Variants in PARP15 observed in about 807,000 individuals in gnomAD.
The protein encoded by PARP15 is protein mono-ADP-ribosyltransferase PARP15.
PARP15 carries 50 observed loss-of-function variants against 62.1 expected under a neutral mutation model. The observed-to-expected ratio is 0.81, with a 90% CI of 0.64 to 1.02. The LOEUF is 1.02. Ranked by LOEUF, PARP15 falls within the 50% of genes least tolerant of loss-of-function variation. PARP15 has a pLI of 0.00. For missense variants in PARP15, 820 were observed against 826.5 expected (o/e 0.99, Z 0.10); for synonymous variants, 309 against 293.1 (o/e 1.05, Z -0.55).
chr3:122,577,712 G>T lies in PARP15; in HGVS notation c.45G>T (p.Gly15=), dbSNP rs2080705338. The T allele has an allele frequency of 1.3e-6, 2 of 1,551,688 alleles. No individual in the cohort carries two copies. The highest frequency in any genetic ancestry group is 4.9e-5 in the East Asian group (2 of 40,918). Residue 15 remains glycine (G), a synonymous_variant, in exon 1 of 12, where the codon GGG becomes GGT. Coordinates refer to ENST00000464300, the MANE Select transcript of PARP15 (RefSeq NM_001113523.3). The part of the protein sequence containing the change: ...GPLPAAALSP[G]APTPRELMHG... ...TTCCTGCCGCTGCTCTGAGTCCAGG[G>T]GCTCCGACCCCCAGAGAACTTATGC...
At chr3:122,617,917 A>C (rs1936094175) in intron 6 of PARP15, among the ~76,000 whole-genome samples, 1 of 152,040 alleles carries the variant, frequency 6.6e-6, no homozygotes, top group South Asian at 2.1e-4. Context: ...TTTTTAGTAG[A>C]GATGGGGTTT....
chr3:122,615,769 C>G lies in PARP15; in HGVS notation c.772-10C>G, dbSNP rs759516165. 2.5e-6 allele frequency: 4 copies of G among 1,610,838 alleles called. No individual in the cohort carries two copies. The highest frequency in any genetic ancestry group is 3.4e-6 in the Non-Finnish European group (4 of 1,177,080). ...ATATTGTTGTAGTCAGTAACTGTTTCTATTTCCAGGCATTTTTAGATGAAT... is the reference window on the plus strand; with the variant it reads ...ATATTGTTGTAGTCAGTAACTGTTTGTATTTCCAGGCATTTTTAGATGAAT... On this transcript the variant is annotated splice_polypyrimidine_tract_variant and intron_variant, in intron 4 of 11. Coordinates refer to ENST00000464300, the MANE Select transcript of PARP15 (RefSeq NM_001113523.3).
intron 10 of PARP15, among the ~76,000 whole-genome samples, chr3:122,633,329 C>A (rs540491367): frequency 6.6e-6 from 1 of 152,052 alleles, no homozygotes; most frequent in African/African-American, 2.4e-5. Context: ...GAAAGGGGAG[C>A]CAGGAGATAG....
At chr3:122,627,580 G>T (rs1030376887) in intron 9 of PARP15, among the ~76,000 whole-genome samples, 2 of 152,126 alleles carry the variant, frequency 1.3e-5, no homozygotes, top group Non-Finnish European at 2.9e-5. Context: ...CTCTGATTTC[G>T]TTTTCCCCTA....
intron 3 of PARP15, 62 bp from the exon 4 acceptor site, chr3:122,612,979 A>G (rs1201521886): frequency 4.2e-6 from 6 of 1,414,204 alleles, no homozygotes; most frequent in East Asian, 5.0e-5. Flanking sequence ...TGGGACCACA[A>G]CTCTTTCTGT....
At chr3:122,591,458 G>A (rs1305230842) in intron 1 of PARP15, among the ~76,000 whole-genome samples, 1 of 152,066 alleles carries the variant, frequency 6.6e-6, no homozygotes, top group Non-Finnish European at 1.5e-5. Context: ...CATTAAAGTC[G>A]TCACTTTTCT....
In PARP15 at chr3:122,577,713, G is replaced by C; in HGVS notation, c.46G>C (p.Ala16Pro). ...TCCTGCCGCTGCTCTGAGTCCAGGG[G>C]CTCCGACCCCCAGAGAACTTATGCA... The part of the protein sequence containing the change: ...PLPAAALSPG[A>P]PTPRELMHGV... Residue 16 changes from alanine to proline, a missense_variant, in exon 1 of 12, where the codon GCT (alanine) becomes CCT (proline). Physicochemically the swap from Ala to Pro is conservative, Grantham distance 27. Transcript: ENST00000464300. The C allele has an allele frequency of 6.4e-7, 1 of 1,551,692 alleles. No individual in the cohort carries two copies. The highest frequency in any genetic ancestry group is 8.7e-7 in the Non-Finnish European group (1 of 1,146,974).
chr3:122,626,791 G>C (rs781751908), intron 8 of PARP15, 36 bp from the exon 9 acceptor site: 13 of 1,580,544 alleles, frequency 8.2e-6, no homozygotes, highest in Admixed American at 1.8e-5. Context: ...TAGCAACATC[G>C]GGGGAAACTT....
intron 8 of PARP15, 131 bp from the exon 9 acceptor site, chr3:122,626,696 C>T: frequency 1.4e-6 from 1 of 730,272 alleles, no homozygotes; most frequent in Non-Finnish European, 2.3e-6. Context: ...CACCAACTAG[C>T]TGTGAGTGTC....
In PARP15 at chr3:122,577,818, C is replaced by A; in HGVS notation, c.151C>A (p.Arg51=). The change falls in exon 1 of 12, where the codon CGG becomes AGG. Residue 51 remains arginine (R), a synonymous_variant. Coordinates refer to ENST00000464300, the MANE Select transcript of PARP15 (RefSeq NM_001113523.3). ...GCTGCCGGCCGGGAACCGTGGGGCG[C>A]GGAAGGCCTCCCGGCGCTCTTCCTC... The part of the protein sequence containing the change: ...SVLPAGNRGA[R]KASRRSSSRS... The A allele has an allele frequency of 6.5e-7, 1 of 1,550,292 alleles. No individual in the cohort carries two copies. Among genetic ancestry groups the A allele is most frequent in the Non-Finnish European group, 8.7e-7 (1 of 1,146,332 alleles).
In PARP15 at chr3:122,599,905, C is replaced by G. The variant is rs529984523; in HGVS notation, c.187-6031C>G. On this transcript the variant is annotated intron_variant, in intron 1 of 11. Transcript: ENST00000464300. ...CCTCATTCAGAAAGTATCTATCTCACAGGCTCATTGTTAAGATTAAATTAA... is the reference window on the plus strand; with the variant it reads ...CCTCATTCAGAAAGTATCTATCTCAGAGGCTCATTGTTAAGATTAAATTAA... Among the ~76,000 whole-genome samples the G allele has an allele frequency of 3.5e-4, 54 of 152,302 alleles. 1 individual carries two copies. Among genetic ancestry groups the G allele is most frequent in the African/African-American group, 1.3e-3 (54 of 41,546 alleles).
intron 1 of PARP15, among the ~76,000 whole-genome samples, chr3:122,587,406 C>T (rs1194082359): frequency 1.3e-5 from 2 of 152,242 alleles, no homozygotes; most frequent in African/African-American, 4.8e-5. Flanking sequence ...ATTTTGCATT[C>T]CCATCAACAA....
At chr3:122,628,804 A>G (rs1189971803) in intron 9 of PARP15, among the ~76,000 whole-genome samples, 2 of 152,236 alleles carry the variant, frequency 1.3e-5, no homozygotes, top group Admixed American at 1.3e-4. Context: ...CTTTGTTGTT[A>G]GAGAAAAGGA....
Position 122,617,042 on chromosome 3 carries a change from G to C in PARP15, c.878G>C (p.Cys293Ser). ...QGVVGTVSKP[C>S]FTAYEMKIGA... Reference sequence around the variant, plus strand: ...GTGGTCGGGACTGTCTCTAAGCCTTGTTTCACAGCATATGAAATGAAAATC... The same window carrying C: ...GTGGTCGGGACTGTCTCTAAGCCTTCTTTCACAGCATATGAAATGAAAATC... The change falls in exon 6 of 12, where the codon TGT (cysteine) becomes TCT (serine). Residue 293 changes from cysteine (C) to serine (S), a missense_variant. By Grantham distance (112) the Cys-to-Ser change is moderately radical. This residue lies in a region of PARP15 where 731 missense variants were observed against 727.7 expected (regional missense o/e 1.00). Transcript: ENST00000464300. 1 of 1,614,092 alleles carries C rather than the reference G, an allele frequency of 6.2e-7. No homozygotes were observed. Among genetic ancestry groups the C allele is most frequent in the Non-Finnish European group, 8.5e-7 (1 of 1,180,010 alleles).
rs7613898 is a variant in PARP15, at chr3:122,597,892, T to C, written c.187-8044T>C. ...TGTAACCTACATGCATCCTTCTATATACTTTAAGTCATCTCTAGATTACTT... is the reference window on the plus strand; with the variant it reads ...TGTAACCTACATGCATCCTTCTATACACTTTAAGTCATCTCTAGATTACTT... On this transcript the variant is annotated intron_variant, in intron 1 of 11. Coordinates refer to ENST00000464300, the MANE Select transcript of PARP15 (RefSeq NM_001113523.3). Among the ~76,000 whole-genome samples, 309 of 152,312 alleles carry C rather than the reference T, an allele frequency of 2.0e-3. 1 individual carries two copies. Among genetic ancestry groups the C allele is most frequent in the African/African-American group, 6.9e-3 (286 of 41,564 alleles).
At chr3:122,614,913 C>G (rs1196909310) in intron 4 of PARP15, 4 of 253,426 alleles carry the variant, frequency 1.6e-5, no homozygotes, top group African/African-American at 4.7e-5. Context: ...ATCTGTAGTC[C>G]CAGCTACTTG....
intron 6 of PARP15, 110 bp from the exon 7 acceptor site, chr3:122,619,671 C>T (rs1321859854): frequency 5.4e-6 from 5 of 925,510 alleles, no homozygotes; most frequent in Non-Finnish European, 8.9e-6. Flanking sequence ...TGGGGGTGGT[C>T]AATGGATTAT....
At chr3:122,621,202 T>A (rs902114892) in intron 7 of PARP15, 1 of 410,638 alleles carries the variant, frequency 2.4e-6, no homozygotes, top group Non-Finnish European at 4.4e-6. Context: ...TTGAGCAGAT[T>A]GATGCAGATA....
Position 122,631,281 on chromosome 3 carries a change from A to G in PARP15, c.1439-805A>G, listed in dbSNP as rs543462465. Among the ~76,000 whole-genome samples, 10 of 152,370 alleles carry G rather than the reference A, an allele frequency of 6.6e-5. 1 individual carries two copies. The highest frequency in any genetic ancestry group is 2.4e-4 in the African/African-American group (10 of 41,598). On this transcript the variant is annotated intron_variant, in intron 9 of 11. Transcript: ENST00000464300. Reference sequence around the variant, plus strand: ...GGAGTTTGAAAAGAGCTTACTGATTAGGGTTAGATGCCTCCCTGTGTCACG... The same window carrying G: ...GGAGTTTGAAAAGAGCTTACTGATTGGGGTTAGATGCCTCCCTGTGTCACG...
Sources: allele counts gnomAD v4.1 joint callset (sites outside exome capture counted in the v4.1 genomes callset), GRCh38; gene constraint gnomAD v4.1.1; regional missense constraint gnomAD v4.1.1; transcripts MANE v1.5; gene names NCBI Gene and HGNC (gene_info 2026-07-23, HGNC 2026-07-21).